Variants in CACNA2D3 observed in about 807,000 individuals in gnomAD.
The protein encoded by CACNA2D3 is calcium voltage-gated channel auxiliary subunit alpha2delta 3, also known as voltage-dependent calcium channel subunit alpha-2/delta-3.
A neutral mutation model predicts 160.6 loss-of-function variants in CACNA2D3; 60 were observed. The ratio of observed to expected loss-of-function variants is 0.37; its 90% confidence interval spans 0.30 to 0.46. The LOEUF is 0.46. Among genes scored for constraint, CACNA2D3 ranks in the 20% least tolerant of loss-of-function variants. CACNA2D3 has a pLI of 1.00. For missense variants in CACNA2D3, 1,205 were observed against 1,365.0 expected (o/e 0.88, Z 1.85); for synonymous variants, 558 against 492.9 (o/e 1.13, Z -1.75).
At chr3:54,288,025 G>A (rs1366967656) in intron 2 of CACNA2D3, among the ~76,000 whole-genome samples, 2 of 151,678 alleles carry the variant, frequency 1.3e-5, no homozygotes, top group Admixed American at 6.6e-5. Context: ...AGAAAAGCAA[G>A]AGCAAACACA....
chr3:55,025,405 G>C (rs545445655), intron 35 of CACNA2D3, among the ~76,000 whole-genome samples: 86 of 152,104 alleles, frequency 5.7e-4, no homozygotes, highest in Non-Finnish European at 1.2e-3. Context: ...GCTGAGGCAG[G>C]CGTATCACTT....
At chr3:55,000,088 A>G (rs1369275139) in intron 31 of CACNA2D3, among the ~76,000 whole-genome samples, 4 of 152,120 alleles carry the variant, frequency 2.6e-5, no homozygotes, top group Non-Finnish European at 5.9e-5. Flanking sequence ...TAATAAGAAT[A>G]CACCCCCACT....
chr3:54,982,712 G>GT (rs77264838), intron 29 of CACNA2D3, among the ~76,000 whole-genome samples: 2,194 of 142,718 alleles, frequency 0.015, 34 homozygotes, highest in African/African-American at 0.041. Context: ...CCATTTTTAT[G>GT]TTTTTTTTTT....
chr3:54,537,310 A>T (rs894221857), intron 5 of CACNA2D3, among the ~76,000 whole-genome samples: 3 of 152,144 alleles, frequency 2.0e-5, no homozygotes, highest in Non-Finnish European at 2.9e-5. Context: ...GCTCTGGACT[A>T]GAGGGCATGG....
intron 13 of CACNA2D3, among the ~76,000 whole-genome samples, chr3:54,776,827 A>G (rs988689014): frequency 1.3e-5 from 2 of 152,060 alleles, no homozygotes; most frequent in Non-Finnish European, 2.9e-5. Context: ...CCCTTCCTCC[A>G]TAGACTATCC....
In CACNA2D3 at chr3:55,000,046, G is replaced by A. The variant is rs139962730; in HGVS notation, c.2691-4717G>A. Among the ~76,000 whole-genome samples, 155 of 152,214 alleles carry A rather than the reference G, an allele frequency of 1.0e-3. 1 individual carries two copies. The highest frequency in any genetic ancestry group is 6.8e-3 in the Middle Eastern group (2 of 294). ...TAAGGTTGGTTGGAGTAGCCTGGTG[G>A]TGATGTCATGGGGATTAAGGCATGT... On this transcript the variant is annotated intron_variant, in intron 31 of 37. Transcript: ENST00000474759.
chr3:54,321,453 C>G (rs1343200215), intron 3 of CACNA2D3, among the ~76,000 whole-genome samples: 1 of 152,168 alleles, frequency 6.6e-6, no homozygotes, highest in African/African-American at 2.4e-5. Context: ...CGCTCACTTG[C>G]AAGTTTTGAC....
chr3:54,711,614 T>A (rs1438883064), intron 11 of CACNA2D3, among the ~76,000 whole-genome samples: 1 of 152,176 alleles, frequency 6.6e-6, no homozygotes, highest in Non-Finnish European at 1.5e-5. Flanking sequence ...GCAAAACAGA[T>A]GGGATTACCA....
At chr3:54,968,926 T>C (rs1702213569) in intron 28 of CACNA2D3, among the ~76,000 whole-genome samples, 1 of 152,234 alleles carries the variant, frequency 6.6e-6, no homozygotes, top group Non-Finnish European at 1.5e-5. Context: ...CTGACTTCTT[T>C]GTTCACAGGG....
rs543235870 is a variant in CACNA2D3 at position 54,148,974 on chromosome 3, CAA to C, written c.204+25401_204+25402del. On this transcript the variant is annotated intron_variant, in intron 2 of 37. Transcript: ENST00000474759. ...CCTGGGTGACAGAGCAAAACTCCAT[CAA>C]AAAAAAAAAAAAAAAAAAAATAGAC... Among the ~76,000 whole-genome samples the C allele has an allele frequency of 3.2e-3, 374 of 116,574 alleles. 1 individual carries two copies. Among genetic ancestry groups the C allele is most frequent in the African/African-American group, 0.01 (313 of 30,282 alleles). 76.5% of individuals were successfully genotyped at this position (116,574 alleles called of 152,430 possible). A position where few individuals can be genotyped will look rare whatever the true frequency, so the allele number is the denominator to read the frequency against.
intron 4 of CACNA2D3, among the ~76,000 whole-genome samples, chr3:54,407,575 T>A (rs548746121): frequency 6.6e-6 from 1 of 152,224 alleles, no homozygotes; most frequent in Admixed American, 6.5e-5. Flanking sequence ...TCAAAGCTAC[T>A]TCTCAGTTGT....
At chr3:54,647,168 T>C (rs1037278213) in intron 11 of CACNA2D3, among the ~76,000 whole-genome samples, 2 of 152,222 alleles carry the variant, frequency 1.3e-5, no homozygotes, top group Admixed American at 1.3e-4. Flanking sequence ...TGTAGGATCA[T>C]GAGCAGAGGA....
rs572432887 is a variant in CACNA2D3, at chr3:54,260,532, C to T, written c.205-59910C>T. 1.6e-3 allele frequency among the ~76,000 whole-genome samples: 248 copies of T among 152,174 alleles called. 2 individuals carry two copies. The highest frequency in any genetic ancestry group is 5.6e-3 in the African/African-American group (234 of 41,516). ...TATAATGAAGGTCCCGTCTTGATGA[C>T]CTTATCTAATCCTAATTACTTCTCA... On this transcript the variant is annotated intron_variant, in intron 2 of 37. Transcript: ENST00000474759.
chr3:54,487,580 C>T (rs764596670), intron 4 of CACNA2D3, among the ~76,000 whole-genome samples: 3 of 152,164 alleles, frequency 2.0e-5, no homozygotes, highest in Non-Finnish European at 4.4e-5. Flanking sequence ...AACAACCAGG[C>T]CCTGGAGTTC....
chr3:55,028,806 AT>A (rs1242643357), intron 35 of CACNA2D3, among the ~76,000 whole-genome samples: 55 of 152,124 alleles, frequency 3.6e-4, no homozygotes, highest in Admixed American at 3.6e-3. Context: ...ATCACTTCTC[AT>A]AAAAATTATA....
At chr3:54,427,612 ATC>A (rs1262370767) in intron 4 of CACNA2D3, among the ~76,000 whole-genome samples, 8 of 152,298 alleles carry the variant, frequency 5.3e-5, no homozygotes, top group African/African-American at 1.4e-4. Context: ...TATTTGCTGA[ATC>A]TGGCAACCTT....
chr3:54,455,228 TC>T (rs1289725014), intron 4 of CACNA2D3, among the ~76,000 whole-genome samples: 2 of 152,172 alleles, frequency 1.3e-5, no homozygotes, highest in African/African-American at 4.8e-5. Context: ...GTATAAGAAT[TC>T]CCCTTTCTCT....
At chr3:54,651,237 C>T (rs185307672) in intron 11 of CACNA2D3, among the ~76,000 whole-genome samples, 47 of 152,132 alleles carry the variant, frequency 3.1e-4, no homozygotes, top group Admixed American at 9.8e-4. Flanking sequence ...GTCAGGAACT[C>T]GTTGATCTTA....
intron 11 of CACNA2D3, among the ~76,000 whole-genome samples, chr3:54,751,109 C>T (rs1701849541): frequency 1.3e-5 from 2 of 152,008 alleles, no homozygotes; most frequent in South Asian, 4.2e-4. Context: ...AAGCCAGAAT[C>T]TCCCAATTTA....
Sources: gnomAD v4.1 joint callset for allele counts (sites outside exome capture counted in the v4.1 genomes callset) on GRCh38, gnomAD v4.1.1 for gene constraint, MANE v1.5 for transcripts, NCBI Gene and HGNC (gene_info 2026-07-23, HGNC 2026-07-21) for gene names.